NUMB: variants seen among roughly 807,000 people sequenced by gnomAD.
The protein encoded by NUMB is protein numb homolog.
A neutral mutation model predicts 59.7 loss-of-function variants in NUMB; 29 were observed. The observed-to-expected ratio is 0.49, with a 90% CI of 0.36 to 0.66. The LOEUF (loss-of-function observed/expected upper bound fraction) is 0.66, where lower values mean the gene tolerates loss of function less well. Ranked by LOEUF, NUMB falls within the 30% of genes least tolerant of loss-of-function variation. The pLI, the probability that NUMB is intolerant of heterozygous loss-of-function variation, is 0.00. For synonymous variants in NUMB, 288 were observed against 288.2 expected (o/e 1.00, Z 0.01); for missense variants, 723 against 822.0 (o/e 0.88, Z 1.47).
chr14:73,375,399 A>C (rs1314048464), intron 2 of NUMB, among the ~76,000 whole-genome samples: 1 of 152,220 alleles, frequency 6.6e-6, no homozygotes, highest in Non-Finnish European at 1.5e-5. Context: ...TGTTCAAGGT[A>C]ACATAGCCTC....
chr14:73,356,957 C>G (rs1334996492), intron 3 of NUMB: 1 of 585,648 alleles, frequency 1.7e-6, no homozygotes, highest in Admixed American at 6.3e-5. Flanking sequence ...CTTGGCCTCT[C>G]TAAGTGCTGG....
At chr14:73,440,395 A>C (rs1313103193) in intron 1 of NUMB, among the ~76,000 whole-genome samples, 1 of 152,098 alleles carries the variant, frequency 6.6e-6, no homozygotes, top group Non-Finnish European at 1.5e-5. Flanking sequence ...TAAATGTAAG[A>C]GCCAACTCTA....
chr14:73,284,066 T>C lies in NUMB; in HGVS notation c.949+15A>G, dbSNP rs1458764927. The C allele has an allele frequency of 3.1e-6, 5 of 1,612,088 alleles. No individual in the cohort carries two copies. The East Asian group carries it at 6.7e-5, about 22-fold the overall frequency. Reference sequence around the variant, plus strand: ...GTGCTCGAGTACCCAGTGAGTCAGGTAGATGCTACATTACCTGCATTTTTA... The same window carrying C: ...GTGCTCGAGTACCCAGTGAGTCAGGCAGATGCTACATTACCTGCATTTTTA... On this transcript the variant is annotated intron_variant, in intron 10 of 12. Transcript: ENST00000555238.
rs554554940 is a variant in NUMB at position 73,361,499 on chromosome 14, T to G, written c.-16+5398A>C. 2.8e-4 allele frequency among the ~76,000 whole-genome samples: 43 copies of G among 152,140 alleles called. No homozygotes were observed. In the South Asian group the frequency reaches 8.7e-3, roughly 31 times the overall value. ...TTTATTTTCAGTTTGGGGGTACATG[T>G]GAAGGTTACATAGGTAAACACGTGT... is the stretch of plus-strand genomic sequence containing the variant. On this transcript the variant is annotated intron_variant, in intron 3 of 12. Transcript: ENST00000555238.
intron 6 of NUMB, among the ~76,000 whole-genome samples, chr14:73,309,756 T>TAATAATAATA (rs1555370100): frequency 8.9e-5 from 11 of 123,844 alleles, no homozygotes; most frequent in Non-Finnish European, 1.4e-4. Context: ...ATAATAATAA[T>TAATAATAATA]AAAAATAGGA....
intron 2 of NUMB, among the ~76,000 whole-genome samples, chr14:73,372,217 A>C (rs1022845471): frequency 2.0e-5 from 3 of 150,074 alleles, no homozygotes; most frequent in Admixed American, 6.7e-5. Flanking sequence ...TGGGTGACAG[A>C]GCAATACTCC....
chr14:73,351,939 G>A (rs1893308597), intron 4 of NUMB, among the ~76,000 whole-genome samples: 2 of 151,732 alleles, frequency 1.3e-5, no homozygotes, highest in African/African-American at 4.8e-5. Flanking sequence ...TGGCGCCACT[G>A]CACTCCAGCC....
intron 4 of NUMB, among the ~76,000 whole-genome samples, chr14:73,339,608 T>C (rs1892523615): frequency 6.6e-6 from 1 of 152,136 alleles, no homozygotes; most frequent in Admixed American, 6.5e-5. Flanking sequence ...CCCAAGCTGG[T>C]CTCAAACTCC....
intron 1 of NUMB, among the ~76,000 whole-genome samples, chr14:73,451,475 C>T (rs1381684915): frequency 2.0e-5 from 3 of 150,236 alleles, no homozygotes; most frequent in East Asian, 1.9e-4. Context: ...ATTAGCCAGG[C>T]ATAGTGGCAT....
chr14:73,450,511 T>G (rs962666213), intron 1 of NUMB, among the ~76,000 whole-genome samples: 1 of 152,264 alleles, frequency 6.6e-6, no homozygotes, highest in Admixed American at 6.5e-5. Flanking sequence ...TACTGGGAGC[T>G]AGGCTGGGCG....
intron 4 of NUMB, among the ~76,000 whole-genome samples, chr14:73,327,297 G>A (rs1429379232): frequency 1.3e-5 from 2 of 152,052 alleles, no homozygotes; most frequent in East Asian, 1.9e-4. Flanking sequence ...TCACTCTGTC[G>A]CCAGACTGGA....
At chr14:73,437,757 A>C (rs1898119293) in intron 1 of NUMB, among the ~76,000 whole-genome samples, 1 of 152,230 alleles carries the variant, frequency 6.6e-6, no homozygotes, top group Admixed American at 6.5e-5. Context: ...AGGGAGGGCA[A>C]AAGAACTTGG....
chr14:73,424,899 T>C (rs186284447), intron 1 of NUMB, among the ~76,000 whole-genome samples: 2 of 152,368 alleles, frequency 1.3e-5, no homozygotes, highest in Admixed American at 1.3e-4. Flanking sequence ...ATGACGGCTT[T>C]AGGAGTTGCA....
At chr14:73,423,966 CAAA>C (rs34582645) in intron 1 of NUMB, among the ~76,000 whole-genome samples, 26 of 74,288 alleles carry the variant, frequency 3.5e-4, no homozygotes, top group Middle Eastern at 7.2e-3. Flanking sequence ...ACCCTGTCTC[CAAA>C]AAAAAAAAAA....
chr14:73,321,618 C>T (rs1457281208), intron 5 of NUMB, among the ~76,000 whole-genome samples: 1 of 152,168 alleles, frequency 6.6e-6, no homozygotes, highest in Non-Finnish European at 1.5e-5. Flanking sequence ...ATTAAATTAT[C>T]TGAGACTATG....
chr14:73,379,785 G>A (rs1319176726), intron 2 of NUMB, among the ~76,000 whole-genome samples: 1 of 152,168 alleles, frequency 6.6e-6, no homozygotes, highest in Non-Finnish European at 1.5e-5. Context: ...ACAAGGAGAT[G>A]ATGTGGGTAC....
intron 2 of NUMB, among the ~76,000 whole-genome samples, chr14:73,400,019 A>T (rs1266859761): frequency 6.6e-6 from 1 of 152,192 alleles, no homozygotes; most frequent in Non-Finnish European, 1.5e-5. Flanking sequence ...AGCCTGGGCG[A>T]TGGAGTGAGA....
intron 7 of NUMB, 124 bp from the exon 8 acceptor site, chr14:73,292,998 T>C: frequency 2.1e-6 from 2 of 950,754 alleles, no homozygotes; most frequent in Non-Finnish European, 1.6e-6. Context: ...ATGGAATACC[T>C]AGATCTGTGT....
chr14:73,451,153 C>CAAAA (rs1212863745), intron 1 of NUMB, among the ~76,000 whole-genome samples: 20 of 38,386 alleles, frequency 5.2e-4, no homozygotes, highest in Non-Finnish European at 6.7e-4. Flanking sequence ...GACTCTGTCT[C>CAAAA]AAAAAAAAAA....
Sources: allele counts gnomAD v4.1 joint callset (sites outside exome capture counted in the v4.1 genomes callset), GRCh38; gene constraint gnomAD v4.1.1; transcripts MANE v1.5; gene names NCBI Gene and HGNC (gene_info 2026-07-23, HGNC 2026-07-21).